The following DCHS2 variants were observed in gnomAD, a reference collection of about 807,000 sequenced individuals.
The protein encoded by DCHS2 is protocadherin-23.
A neutral mutation model predicts 182.4 loss-of-function variants in DCHS2; 142 were observed. The ratio of observed to expected loss-of-function variants is 0.78; its 90% CI spans 0.68 to 0.89. DCHS2 has a LOEUF of 0.89. Ranked by LOEUF, DCHS2 falls within the 40% of genes least tolerant of loss-of-function variation. The pLI, the probability that DCHS2 is intolerant of heterozygous loss-of-function variation, is 0.00. For missense variants in DCHS2, 4,319 were observed against 4,198.6 expected (o/e 1.03, Z -0.79); for synonymous variants, 1,740 against 1,663.3 (o/e 1.05, Z -1.12).
intron 3 of DCHS2, among the ~76,000 whole-genome samples, chr4:154,353,459 T>C (rs2110732924): frequency 6.6e-6 from 1 of 152,286 alleles, no homozygotes; most frequent in Non-Finnish European, 1.5e-5. Context: ...TCCAACCATA[T>C]GTTGTGTATA....
At chr4:154,281,638 C>G (rs115331003) in intron 13 of DCHS2, among the ~76,000 whole-genome samples, 207 of 152,216 alleles carry the variant, frequency 1.4e-3, no homozygotes, top group Non-Finnish European at 2.3e-3. Context: ...CAATCCCTAC[C>G]AAATCTTCAA....
rs767623228 is a variant in DCHS2 at position 154,333,482 on chromosome 4, G to A, written c.2726C>T (p.Pro909Leu). The change falls in exon 5 of 20, where the codon CCA (proline) becomes CTA (leucine). Residue 909 changes from proline to leucine, a missense_variant. Pro to Leu is a moderately conservative substitution (Grantham distance 98). Transcript: ENST00000357232. ...KAREPLNSSE[P>L]IFYRISSGDL... is the part of the protein sequence containing the mutation. Reference sequence around the variant, plus strand: ...ACCAGAAGAAATCCTGTAAAAGATTGGTTCTGAGGAGTCTGAAAAAGAGAG... The same window carrying A: ...ACCAGAAGAAATCCTGTAAAAGATTAGTTCTGAGGAGTCTGAAAAAGAGAG... 5.0e-6 allele frequency: 8 copies of A among 1,607,440 alleles called. No homozygotes were observed. The highest frequency in any genetic ancestry group is 6.8e-6 in the Non-Finnish European group (8 of 1,175,034).
chr4:154,297,508 A>AT (rs1359951191), intron 13 of DCHS2, among the ~76,000 whole-genome samples: 1 of 152,224 alleles, frequency 6.6e-6, no homozygotes, highest in Non-Finnish European at 1.5e-5. Context: ...AATTCCAAAC[A>AT]TAAGGGAACT....
Position 154,491,546 on chromosome 4 carries a change from G to T in DCHS2, c.-191C>A. The stretch of plus-strand genomic sequence containing the variant: ...AAAGCGTCCTCTGCCTGCAGCTCAC[G>T]CAGACAGGGAAGTAAGCTCTAGCTG... On this transcript the variant is annotated 5_prime_UTR_variant, in exon 1 of 20. Transcript: ENST00000357232. 5 of 1,386,242 alleles carry T rather than the reference G, an allele frequency of 3.6e-6. No individual in the cohort carries two copies. Among genetic ancestry groups the T allele is most frequent in the Non-Finnish European group, 3.7e-6 (4 of 1,076,822 alleles). 85.9% of individuals were successfully genotyped at this position (1,386,242 alleles called of 1,614,324 possible). A position where few individuals can be genotyped will look rare whatever the true frequency, so the allele number is the denominator to read the frequency against.
rs1370751428 is a variant in DCHS2 at position 154,420,998 on chromosome 4, A to C, written c.2053-43554T>G. Among the ~76,000 whole-genome samples the C allele has an allele frequency of 2.6e-5, 4 of 152,288 alleles. No individual in the cohort carries two copies. In the East Asian group the frequency reaches 7.7e-4, roughly 29 times the overall value. On this transcript the variant is annotated intron_variant, in intron 1 of 19. Coordinates refer to ENST00000357232, the MANE Select transcript of DCHS2 (RefSeq NM_001358235.2). ...TACTACTACTGCATATAATATATACACTACCATCATTGGAAAAAAAAGGCT... is the reference window on the plus strand; with the variant it reads ...TACTACTACTGCATATAATATATACCCTACCATCATTGGAAAAAAAAGGCT...
intron 1 of DCHS2, among the ~76,000 whole-genome samples, chr4:154,385,591 G>T (rs902623418): frequency 6.6e-6 from 1 of 152,074 alleles, no homozygotes; most frequent in East Asian, 1.9e-4. Context: ...GGGTTCAAGC[G>T]ATTCTCCTGA....
chr4:154,390,354 G>T (rs1418435083), intron 1 of DCHS2, among the ~76,000 whole-genome samples: 1 of 146,022 alleles, frequency 6.8e-6, no homozygotes, highest in African/African-American at 2.5e-5. Flanking sequence ...CTATGAGTGA[G>T]AATATGCGGT....
rs1443056662 is a variant in DCHS2 at position 154,300,799 on chromosome 4, CG to C, written c.5606-2092del. ...CAAGGGGTATCTGAAACAATATTTG[CG>C]TGCAGGAAGTGAACACATTGCAAAG... is the stretch of plus-strand genomic sequence containing the variant. On this transcript the variant is annotated intron_variant, in intron 12 of 19. Transcript: ENST00000357232. 2.6e-5 allele frequency among the ~76,000 whole-genome samples: 4 copies of C among 151,982 alleles called. No individual in the cohort carries two copies. In the East Asian group the frequency reaches 7.7e-4, roughly 29 times the overall value.
chr4:154,422,956 G>A (rs970955845), intron 1 of DCHS2, among the ~76,000 whole-genome samples: 2 of 152,070 alleles, frequency 1.3e-5, no homozygotes, highest in African/African-American at 2.4e-5. Flanking sequence ...GAGCACCCAA[G>A]ACTCCTCCTC....
intron 1 of DCHS2, among the ~76,000 whole-genome samples, chr4:154,385,377 A>G (rs186267287): frequency 1.3e-5 from 2 of 152,274 alleles, no homozygotes; most frequent in African/African-American, 2.4e-5. Flanking sequence ...AGTGCCCCCA[A>G]TAAACATACA....
At chr4:154,265,926 C>G (rs931256233) in intron 14 of DCHS2, among the ~76,000 whole-genome samples, 4 of 152,084 alleles carry the variant, frequency 2.6e-5, no homozygotes, top group African/African-American at 9.7e-5. Flanking sequence ...CCTATATATA[C>G]TATGCTTTTT....
intron 1 of DCHS2, among the ~76,000 whole-genome samples, chr4:154,383,885 T>A (rs554786192): frequency 6.6e-6 from 1 of 151,842 alleles, no homozygotes; most frequent in Non-Finnish European, 1.5e-5. Flanking sequence ...GGAGTTCTAG[T>A]GGAAAAAAAA....
intron 1 of DCHS2, among the ~76,000 whole-genome samples, chr4:154,398,092 G>GA (rs1732007218): frequency 6.6e-6 from 1 of 152,152 alleles, no homozygotes; most frequent in South Asian, 2.1e-4. Flanking sequence ...CTTTAAGGAG[G>GA]AAAAATCCCA....
intron 1 of DCHS2, among the ~76,000 whole-genome samples, chr4:154,453,370 G>A (rs1734620335): frequency 1.3e-5 from 2 of 151,108 alleles, no homozygotes. Context: ...AGCTCAAGAG[G>A]GTTATATTTA....
chr4:154,335,508 A>G (rs1335462725), intron 3 of DCHS2, among the ~76,000 whole-genome samples: 1 of 152,134 alleles, frequency 6.6e-6, no homozygotes, highest in Admixed American at 6.5e-5. Flanking sequence ...TCAGCCTCAA[A>G]CTATACGACT....
At chr4:154,449,685 CT>C (rs1734456232) in intron 1 of DCHS2, among the ~76,000 whole-genome samples, 1 of 152,096 alleles carries the variant, frequency 6.6e-6, no homozygotes, top group East Asian at 1.9e-4. Context: ...TCTTTATTTT[CT>C]CTCAAAATTT....
chr4:154,311,310 C>T (rs560548585), intron 10 of DCHS2, among the ~76,000 whole-genome samples: 71 of 152,252 alleles, frequency 4.7e-4, no homozygotes, highest in African/African-American at 1.6e-3. Context: ...TCGTGGCTCA[C>T]GGCAGCAAAT....
At chr4:154,403,543 C>T (rs4696561) in intron 1 of DCHS2, among the ~76,000 whole-genome samples, 107,432 of 151,948 alleles carry the variant, frequency 0.71, 39,761 homozygotes, top group Admixed American at 0.81. Flanking sequence ...GATTTGATTT[C>T]CTAATATTTT....
intron 5 of DCHS2, 34 bp from the exon 6 acceptor site, chr4:154,329,744 C>G: frequency 5.1e-6 from 8 of 1,580,948 alleles, no homozygotes; most frequent in Non-Finnish European, 6.9e-6. Context: ...GACACAGGCA[C>G]TGTGTACCAG....
Sources: gnomAD v4.1 joint callset for allele counts (sites outside exome capture counted in the v4.1 genomes callset) on GRCh38, gnomAD v4.1.1 for gene constraint, MANE v1.5 for transcripts, NCBI Gene and HGNC (gene_info 2026-07-23, HGNC 2026-07-21) for gene names.